The following SLC7A2 variants were observed in gnomAD, a reference collection of about 807,000 sequenced individuals.
SLC7A2 encodes solute carrier family 7 member 2, also known as cationic amino acid transporter 2.
In SLC7A2, 48 loss-of-function variants were observed where a neutral mutation model predicts 58.9. That is an observed-to-expected ratio of 0.82 (90% CI 0.65 to 1.04). SLC7A2 has a LOEUF of 1.04. SLC7A2 is among the 50% of genes least tolerant of loss of function. SLC7A2 has a pLI of 0.00. For missense variants in SLC7A2, 1,029 were observed against 818.8 expected, an observed-to-expected ratio of 1.26 and a Z score of -3.13; for synonymous variants, 363 against 314.5, an observed-to-expected ratio of 1.15 and a Z score of -1.63.
At chr8:17,496,910 A>T (rs1799973421), upstream of SLC7A2, among the ~76,000 whole-genome samples, 2 of 151,360 alleles carry the variant, frequency 1.3e-5, no homozygotes, top group Admixed American at 1.3e-4. Flanking sequence ...CTCCAGGCAA[A>T]CCCCGCTGAG....
chr8:17,536,235 C>T (rs148842784), intron 2 of SLC7A2, among the ~76,000 whole-genome samples: 373 of 152,056 alleles, frequency 2.5e-3, no homozygotes, highest in Non-Finnish European at 4.3e-3. Flanking sequence ...ATGATGTTAC[C>T]GATAATCCAG....
At chr8:17,560,580 G>C (rs187812973) in intron 10 of SLC7A2, 47 bp downstream of exon 10, 2 of 1,471,034 alleles carry the variant, frequency 1.4e-6, no homozygotes, top group Non-Finnish European at 1.9e-6. Flanking sequence ...GAAGATGTGT[G>C]TGAGTAGAGC....
intron 4 of SLC7A2, among the ~76,000 whole-genome samples, chr8:17,547,023 C>G (rs559744452): frequency 3.4e-4 from 51 of 152,010 alleles, no homozygotes; most frequent in African/African-American, 1.1e-3. Context: ...GATAACTTTT[C>G]TACATGTACA....
At chr8:17,512,802 T>C (rs2150670474) in intron 2 of SLC7A2, among the ~76,000 whole-genome samples, 1 of 152,286 alleles carries the variant, frequency 6.6e-6, no homozygotes, top group South Asian at 2.1e-4. Flanking sequence ...TCCCCTTCCC[T>C]TCCGCCCTGG....
intron 2 of SLC7A2, among the ~76,000 whole-genome samples, chr8:17,530,865 T>A (rs1247407058): frequency 6.6e-6 from 1 of 152,092 alleles, no homozygotes; most frequent in African/African-American, 2.4e-5. Context: ...AGCTACTGCA[T>A]CCAGCCAGTA....
At chr8:17,543,746 G>C (rs777045747) in intron 3 of SLC7A2, 31 bp downstream of exon 3, 13 of 1,507,338 alleles carry the variant, frequency 8.6e-6, no homozygotes, top group Non-Finnish European at 1.2e-5. Flanking sequence ...TAACTTGTGT[G>C]GAATGGAAGA....
rs1290836383 is a variant in SLC7A2, at chr8:17,508,025, T to C, written c.-23+5723T>C. ...AAAAAGACTTTTAAAGTCATTAGGG[T>C]TTCAACCTCATAAATGGTGCTTTTA... On this transcript the variant is annotated intron_variant, in intron 2 of 12. Coordinates refer to ENST00000494857, the MANE Select transcript of SLC7A2 (RefSeq NM_001370338.1). Among the ~76,000 whole-genome samples, 4 of 152,218 alleles carry C rather than the reference T, an allele frequency of 2.6e-5. No individual in the cohort carries two copies. In the East Asian group the frequency reaches 7.7e-4, roughly 29 times the overall value.
intron 2 of SLC7A2, among the ~76,000 whole-genome samples, chr8:17,536,951 G>A (rs1007551642): frequency 1.3e-5 from 2 of 152,194 alleles, no homozygotes; most frequent in Non-Finnish European, 1.5e-5. Flanking sequence ...AGCAAGGCCT[G>A]GGGGGACAGA....
At chr8:17,497,279 G>T (rs1057231682) in intron 1 of SLC7A2, 42 bp downstream of exon 1, 2 of 152,158 alleles carry the variant, frequency 1.3e-5, no homozygotes, top group African/African-American at 4.8e-5. Context: ...GGCCGCGGGC[G>T]AGGGGCAGCC....
chr8:17,500,025 T>C (rs1253156139), intron 1 of SLC7A2: 1 of 152,210 alleles, frequency 6.6e-6, no homozygotes. Flanking sequence ...TATTCCTTCA[T>C]TGAAAACTTA....
chr8:17,513,530 T>G (rs1800686157), intron 2 of SLC7A2, among the ~76,000 whole-genome samples: 1 of 152,204 alleles, frequency 6.6e-6, no homozygotes, highest in Admixed American at 6.5e-5. Flanking sequence ...AGAGAAGATT[T>G]TATTTTTCTC....
intron 2 of SLC7A2, among the ~76,000 whole-genome samples, chr8:17,539,131 C>G (rs1358172648): frequency 6.6e-6 from 1 of 152,158 alleles, no homozygotes; most frequent in African/African-American, 2.4e-5. Context: ...AGGAAGTTTG[C>G]TCCGTCAATG....
chr8:17,507,411 A>G (rs189022564), intron 2 of SLC7A2, among the ~76,000 whole-genome samples: 1 of 152,068 alleles, frequency 6.6e-6, no homozygotes, highest in Non-Finnish European at 1.5e-5. Context: ...CGGGGGTCTC[A>G]CTGTGTTGCC....
At chr8:17,532,261 C>CAAAAAAA (rs1563454562) in intron 2 of SLC7A2, among the ~76,000 whole-genome samples, 3 of 28,622 alleles carry the variant, frequency 1.0e-4, no homozygotes, top group East Asian at 1.9e-3. Context: ...AAAAAAAAAC[C>CAAAAAAA]CCAGCAATTC....
chr8:17,536,909 G>T (rs937673796), intron 2 of SLC7A2, among the ~76,000 whole-genome samples: 1 of 152,110 alleles, frequency 6.6e-6, no homozygotes, highest in African/African-American at 2.4e-5. Flanking sequence ...AAACCATGTC[G>T]GGGAATCTTG....
intron 1 of SLC7A2, among the ~76,000 whole-genome samples, chr8:17,501,266 G>A (rs1384161552): frequency 2.0e-5 from 3 of 152,078 alleles, no homozygotes; most frequent in Non-Finnish European, 4.4e-5. Context: ...CGCCTGCCTC[G>A]GCTTTCCAAA....
intron 2 of SLC7A2, among the ~76,000 whole-genome samples, chr8:17,514,867 TTC>T (rs1292700217): frequency 2.0e-5 from 3 of 152,214 alleles, no homozygotes; most frequent in African/African-American, 7.2e-5. Context: ...AGATAAAATC[TTC>T]TCTTAGTTTA....
At chr8:17,524,833 A>G (rs1178731599) in intron 2 of SLC7A2, among the ~76,000 whole-genome samples, 1 of 152,124 alleles carries the variant, frequency 6.6e-6, no homozygotes, top group East Asian at 1.9e-4. Context: ...GCAGGGATTA[A>G]CATACAGAGC....
At chr8:17,539,000 A>C in intron 2 of SLC7A2, 1 of 1,312,460 alleles carries the variant, frequency 7.6e-7, no homozygotes, top group Non-Finnish European at 1.1e-6. Context: ...TAGGGGAGGA[A>C]GGGAAAGATT....
Sources: gnomAD v4.1 joint callset for allele counts (sites outside exome capture counted in the v4.1 genomes callset) on GRCh38, gnomAD v4.1.1 for gene constraint, MANE v1.5 for transcripts, NCBI Gene and HGNC (gene_info 2026-07-23, HGNC 2026-07-21) for gene names.